Variants in PROM2 observed in about 807,000 individuals in gnomAD.
PROM2 encodes the protein prominin-2.
Under a neutral mutation model 110.2 loss-of-function variants are expected in PROM2, and 90 were observed. That is an observed-to-expected ratio of 0.82 (90% CI 0.69 to 0.97). The LOEUF is 0.97. PROM2 is among the 50% of genes least tolerant of loss of function. The pLI is 0.00. For synonymous variants in PROM2, 470 were observed against 467.8 expected, an observed-to-expected ratio of 1.00 and a Z score of -0.06; for missense variants, 1,009 against 1,074.8, an observed-to-expected ratio of 0.94 and a Z score of 0.86.
chr2:95,275,607 G>C lies in PROM2; in HGVS notation c.294+97G>C. On this transcript the variant is annotated intron_variant, in intron 2 of 23. Transcript: ENST00000317620. The surrounding 1 kb of genome is among the most constrained non-coding windows in gnomAD (Gnocchi z 4.4). ...TTGGCTCCCCTTAGCCCACCTCGCT[G>C]GGTGTCCACTAGGCAGGGGCTCAGG... The C allele has an allele frequency of 1.4e-6, 2 of 1,479,850 alleles. No individual in the cohort carries two copies. Among genetic ancestry groups the C allele is most frequent in the Non-Finnish European group, 1.8e-6 (2 of 1,082,332 alleles). 91.7% of individuals were successfully genotyped at this position (1,479,850 alleles called of 1,614,324 possible). A position where few individuals can be genotyped will look rare whatever the true frequency, so the allele number is the denominator to read the frequency against.
rs149240402 is a variant in PROM2, at chr2:95,276,262, G to A, written c.533G>A (p.Arg178His). Residue 178 changes from arginine (R) to histidine (H), a missense_variant, in exon 4 of 24, where the codon CGC becomes CAC. Physicochemically the swap from Arg to His is conservative, Grantham distance 29. Coordinates refer to ENST00000317620, the MANE Select transcript of PROM2 (RefSeq NM_001165978.3). This position sits in a 1 kb window ranked among gnomAD's most constrained non-coding sequence, Gnocchi z 4.6. ...GVVCAFVTNQ[R>H]THEQMGPSIE... ...GTCTGTGCCTTTGTCACCAACCAGC[G>A]CACGCATGAACAGATGGGCCCCAGC... 3.4e-5 allele frequency: 55 copies of A among 1,613,938 alleles called. No homozygotes were observed. Among genetic ancestry groups the A allele is most frequent in the East Asian group, 1.3e-4 (6 of 44,876 alleles).
intron 8 of PROM2, chr2:95,278,421 G>A: frequency 1.8e-6 from 1 of 557,992 alleles, no homozygotes; most frequent in Non-Finnish European, 3.2e-6. Flanking sequence ...AGGCTAGAAG[G>A]GTGGACTGGA....
Position 95,276,027 on chromosome 2 carries a change from G to A in PROM2, c.392G>A (p.Arg131His), listed in dbSNP as rs750859182. Residue 131 changes from arginine (R) to histidine (H), a missense_variant, in exon 3 of 24, where the codon CGC becomes CAC. Physicochemically the swap from Arg to His is conservative, Grantham distance 29. Coordinates refer to ENST00000317620, the MANE Select transcript of PROM2 (RefSeq NM_001165978.3). This position sits in a 1 kb window ranked among gnomAD's most constrained non-coding sequence, Gnocchi z 4.6. ...GCCGGGCTTTGCTTCTGCTGCTGCC[G>A]CTGCCACCGGCGCTGCGGGGGACGA... ...PTAGLCFCCCRCHRRCGGRVK... is the reference protein window; with the variant it reads ...PTAGLCFCCCHCHRRCGGRVK... 12 of 1,611,364 alleles carry A rather than the reference G, an allele frequency of 7.4e-6. No homozygotes were observed. Among genetic ancestry groups the A allele is most frequent in the East Asian group, 6.7e-5 (3 of 44,866 alleles).
At chr2:95,277,682 C>CTG in intron 7 of PROM2, 116 bp downstream of exon 7, 1 of 1,104,798 alleles carries the variant, frequency 9.1e-7, no homozygotes, top group Non-Finnish European at 1.3e-6. Flanking sequence ...GCTCCACCCA[C>CTG]CCAGGGTTAA....
rs1676530553 is a variant in PROM2 at position 95,274,563 on chromosome 2, G to A, written c.-23G>A. On this transcript the variant is annotated 5_prime_UTR_variant, in exon 1 of 24. Transcript: ENST00000317620. ...GGCTTGTCTGTTCCCTCCTGAGCCT[G>A]AGCCCCTTACCTTCCTGACCCCATG... The A allele has an allele frequency of 6.5e-7, 1 of 1,548,124 alleles. No individual in the cohort carries two copies. Among genetic ancestry groups the A allele is most frequent in the Non-Finnish European group, 8.7e-7 (1 of 1,144,810 alleles).
intron 14 of PROM2, among the ~76,000 whole-genome samples, chr2:95,282,946 G>A (rs1303856301): frequency 2.0e-5 from 3 of 152,098 alleles, no homozygotes; most frequent in African/African-American, 7.2e-5. Context: ...CACAGAGCAT[G>A]CTAACTCCTG....
chr2:95,277,118 G>C (rs941657331), intron 6 of PROM2, 57 bp downstream of exon 6: 1 of 1,439,052 alleles, frequency 6.9e-7, no homozygotes, highest in African/African-American at 1.4e-5. Context: ...CTCCTGGGGC[G>C]ATCCCACCTG....
At chr2:95,278,629 G>A in intron 8 of PROM2, 92 bp from the exon 9 acceptor site, 1 of 1,422,288 alleles carries the variant, frequency 7.0e-7, no homozygotes, top group Non-Finnish European at 9.9e-7. Flanking sequence ...GCACTGAGGG[G>A]GGCCCTCCCT....
Position 95,279,453 on chromosome 2 carries a change from C to T in PROM2, c.1274+309C>T, listed in dbSNP as rs752599986. 1.4e-4 allele frequency among the ~76,000 whole-genome samples: 22 copies of T among 152,186 alleles called. 1 individual carries two copies. The highest frequency in any genetic ancestry group is 9.7e-4 in the East Asian group (5 of 5,164). On this transcript the variant is annotated intron_variant, in intron 10 of 23. Transcript: ENST00000317620. ...CTGGGACTACAGGCGTGCGCCACCA[C>T]GCCCAGCTAATTTTTGCATTTTTAG...
intron 8 of PROM2, chr2:95,278,274 G>T: frequency 1.8e-6 from 1 of 566,706 alleles, no homozygotes; most frequent in Non-Finnish European, 3.2e-6. Flanking sequence ...GCTCCCCTGG[G>T]TGGAGATGGG....
chr2:95,282,963 C>T lies in PROM2; in HGVS notation c.1728+737C>T, dbSNP rs142809165. Reference sequence around the variant, plus strand: ...CAGAGCATGCTAACTCCTGATTTTGCATCGTTCTGGGAAACCCTTCCAACC... The same window carrying T: ...CAGAGCATGCTAACTCCTGATTTTGTATCGTTCTGGGAAACCCTTCCAACC... On this transcript the variant is annotated intron_variant, in intron 14 of 23. Coordinates refer to ENST00000317620, the MANE Select transcript of PROM2 (RefSeq NM_001165978.3). 1.8e-3 allele frequency among the ~76,000 whole-genome samples: 280 copies of T among 152,284 alleles called. 2 individuals are homozygous for T. The highest frequency in any genetic ancestry group is 6.6e-3 in the African/African-American group (273 of 41,568).
chr2:95,281,213 C>T (rs921119445), intron 11 of PROM2, 29 bp from the exon 12 acceptor site: 4 of 1,607,896 alleles, frequency 2.5e-6, no homozygotes, highest in African/African-American at 1.3e-5. Flanking sequence ...TCCCTGCTGT[C>T]CCTCAGTCCT....
intron 7 of PROM2, 83 bp from the exon 8 acceptor site, chr2:95,277,846 GC>G: frequency 8.5e-7 from 1 of 1,177,022 alleles, no homozygotes; most frequent in Non-Finnish European, 1.2e-6. Context: ...GGGTTCAGAG[GC>G]CCCTGCCCCC....
Position 95,291,195 on chromosome 2 carries a change from T to A in PROM2, c.*1982T>A, listed in dbSNP as rs1677664590. On this transcript the variant is annotated 3_prime_UTR_variant, in exon 24 of 24. Coordinates refer to ENST00000317620, the MANE Select transcript of PROM2 (RefSeq NM_001165978.3). Reference sequence around the variant, plus strand: ...TGAATGTAGCATGACTGCCTCTTTTTGCTTTTCCTAGAGGTTTTTTTTTTG... The same window carrying A: ...TGAATGTAGCATGACTGCCTCTTTTAGCTTTTCCTAGAGGTTTTTTTTTTG... 6.6e-6 allele frequency: 1 copy of A among 152,146 alleles called. No individual in the cohort carries two copies. Among genetic ancestry groups the A allele is most frequent in the Non-Finnish European group, 1.5e-5 (1 of 68,020 alleles). 9.4% of individuals were successfully genotyped at this position (152,146 alleles called of 1,614,324 possible). A position where few individuals can be genotyped will look rare whatever the true frequency, so the allele number is the denominator to read the frequency against.
At chr2:95,286,720 C>A in intron 17 of PROM2, 84 bp from the exon 18 acceptor site, 4 of 859,992 alleles carry the variant, frequency 4.7e-6, no homozygotes, top group Non-Finnish European at 5.6e-6. Context: ...CCTCCCCTCC[C>A]CTCCACTCCC....
chr2:95,275,382 C>A lies in PROM2; in HGVS notation c.245-79C>A. The A allele has an allele frequency of 7.1e-7, 1 of 1,410,256 alleles. No homozygotes were observed. Among genetic ancestry groups the A allele is most frequent in the South Asian group, 1.3e-5 (1 of 75,386 alleles). 87.4% of individuals were successfully genotyped at this position (1,410,256 alleles called of 1,614,324 possible). A position where few individuals can be genotyped will look rare whatever the true frequency, so the allele number is the denominator to read the frequency against. On this transcript the variant is annotated intron_variant, in intron 1 of 23. Transcript: ENST00000317620. This position sits in a 1 kb window ranked among gnomAD's most constrained non-coding sequence, Gnocchi z 4.4. ...GGAGCCCTGCCTCAGAGCCACTTTGCCCTGGCAGTGGGGAGAGGAGGGACA... is the reference window on the plus strand; with the variant it reads ...GGAGCCCTGCCTCAGAGCCACTTTGACCTGGCAGTGGGGAGAGGAGGGACA...
intron 14 of PROM2, among the ~76,000 whole-genome samples, chr2:95,282,862 C>T (rs1265801164): frequency 2.6e-5 from 4 of 152,178 alleles, no homozygotes; most frequent in Non-Finnish European, 5.9e-5. Context: ...ATTCACTCCT[C>T]GACTTCCACG....
chr2:95,286,978 G>A, intron 18 of PROM2, 121 bp downstream of exon 18: 1 of 1,323,882 alleles, frequency 7.6e-7, no homozygotes, highest in Non-Finnish European at 1.1e-6. Context: ...GGGTTGGGAG[G>A]AAGATGGGGG....
At chr2:95,287,555 CTT>C in intron 20 of PROM2, 91 bp downstream of exon 20, 2 of 1,341,546 alleles carry the variant, frequency 1.5e-6, no homozygotes, top group Non-Finnish European at 2.1e-6. Flanking sequence ...CCCGGAGCCC[CTT>C]GGGGGTGACC....
Sources: gnomAD v4.1 joint callset for allele counts (sites outside exome capture counted in the v4.1 genomes callset) on GRCh38, gnomAD v4.1.1 for gene constraint, Gnocchi (gnomAD v3.1) non-coding constraint, MANE v1.5 for transcripts, NCBI Gene and HGNC (gene_info 2026-07-23, HGNC 2026-07-21) for gene names.